The following NAT1 variants were observed in gnomAD, a reference collection of about 807,000 sequenced individuals.
NAT1 encodes the protein N-acetyltransferase 1.
For synonymous variants in NAT1, 144 were observed against 122.6 expected (o/e 1.17, Z -1.16); for missense variants, 400 against 339.2 (o/e 1.18, Z -1.41).
At chr8:18,216,898 T>G in intron 1 of NAT1, 1 of 1,550,674 alleles carries the variant, frequency 6.4e-7, no homozygotes, top group South Asian at 1.2e-5. Context: ...AGGGCCATGC[T>G]GTTATTACTC....
At chr8:18,186,216 C>T (rs1278027581) in intron 2 of NAT1, among the ~76,000 whole-genome samples, 2 of 151,968 alleles carry the variant, frequency 1.3e-5, no homozygotes, top group Admixed American at 1.3e-4. Context: ...TTGAAATTTC[C>T]CATTATGATT....
At chr8:18,200,111 G>C (rs73571961) in intron 2 of NAT1, among the ~76,000 whole-genome samples, 1,644 of 152,302 alleles carry the variant, frequency 0.011, 34 homozygotes, top group African/African-American at 0.037. Flanking sequence ...AGTTAGTTCA[G>C]TCACTGTAGA....
upstream of NAT1, among the ~76,000 whole-genome samples, chr8:18,205,605 C>T (rs1803679998): frequency 6.6e-6 from 1 of 152,138 alleles, no homozygotes; most frequent in African/African-American, 2.4e-5. Context: ...AGTGGCAGGG[C>T]ACGGTGCACA....
chr8:18,198,977 A>G (rs572353020), intron 2 of NAT1, among the ~76,000 whole-genome samples: 19 of 152,234 alleles, frequency 1.2e-4, no homozygotes, highest in Non-Finnish European at 2.2e-4. Context: ...TTTTTTGGAA[A>G]AAAAAGGGCC....
At chr8:18,171,468 C>T (rs1189175165) in intron 2 of NAT1, among the ~76,000 whole-genome samples, 6 of 152,096 alleles carry the variant, frequency 3.9e-5, no homozygotes, top group Non-Finnish European at 7.4e-5. Flanking sequence ...GCAGTTTGAC[C>T]GAATTAACCC....
chr8:18,192,715 T>A (rs1485893620), intron 2 of NAT1, among the ~76,000 whole-genome samples: 1 of 151,984 alleles, frequency 6.6e-6, no homozygotes, highest in South Asian at 2.1e-4. Context: ...TTGGAAATCA[T>A]CATTCTCAGT....
chr8:18,182,024 C>T (rs541612248), intron 2 of NAT1, among the ~76,000 whole-genome samples: 1 of 152,258 alleles, frequency 6.6e-6, no homozygotes, highest in East Asian at 1.9e-4. Context: ...ATTCCCTTCC[C>T]CAAGCAGGAA....
chr8:18,189,989 C>T (rs573863259), intron 2 of NAT1, among the ~76,000 whole-genome samples: 1 of 152,094 alleles, frequency 6.6e-6, no homozygotes, highest in Non-Finnish European at 1.5e-5. Context: ...CGGTTTTCAC[C>T]ATGTTCGCCA....
chr8:18,198,173 A>T (rs1803312328), intron 2 of NAT1, among the ~76,000 whole-genome samples: 1 of 152,182 alleles, frequency 6.6e-6, no homozygotes, highest in Non-Finnish European at 1.5e-5. Context: ...GGCAAAAAAA[A>T]ATCTGCTTTT....
chr8:18,221,141 G>A (rs965000183), intron 2 of NAT1, among the ~76,000 whole-genome samples: 9 of 152,154 alleles, frequency 5.9e-5, no homozygotes, highest in African/African-American at 2.2e-4. Context: ...TCTTACTCAT[G>A]TGCTCCAATT....
At chr8:18,187,727 C>G (rs9969561) in intron 2 of NAT1, among the ~76,000 whole-genome samples, 58,060 of 151,460 alleles carry the variant, frequency 0.38, 14,739 homozygotes, top group African/African-American at 0.73. Context: ...GAGAAAAAAA[C>G]GGGATAAGGA....
At chr8:18,216,953 C>G (rs777973183) in intron 1 of NAT1, 8 of 1,551,060 alleles carry the variant, frequency 5.2e-6, no homozygotes, top group African/African-American at 1.4e-5. Flanking sequence ...CAGCTGTTGG[C>G]TATAATAGCC....
At chr8:18,216,245 G>A (rs573265573) in intron 1 of NAT1, among the ~76,000 whole-genome samples, 16 of 152,214 alleles carry the variant, frequency 1.1e-4, no homozygotes, top group African/African-American at 1.9e-4. Context: ...ATTGCCAAAC[G>A]TTTTGGTTTT....
At chr8:18,211,424 A>G (rs1804091203) in intron 1 of NAT1, 1 of 152,264 alleles carries the variant, frequency 6.6e-6, no homozygotes, top group South Asian at 2.1e-4. Flanking sequence ...TGCTTGAAAC[A>G]CAAAACAGGT....
intron 2 of NAT1, among the ~76,000 whole-genome samples, chr8:18,179,359 T>C (rs1296499573): frequency 6.6e-6 from 1 of 152,120 alleles, no homozygotes; most frequent in African/African-American, 2.4e-5. Flanking sequence ...AGGGAATTGG[T>C]CTAAGGTAGA....
intron 2 of NAT1, among the ~76,000 whole-genome samples, chr8:18,219,811 T>C (rs28359529): frequency 0.018 from 2,761 of 152,242 alleles, 49 homozygotes; most frequent in Middle Eastern, 0.085. Flanking sequence ...TTCTTTCAAA[T>C]GGACTTGCAG....
chr8:18,198,357 G>T (rs1387799531), intron 2 of NAT1, among the ~76,000 whole-genome samples: 1 of 152,164 alleles, frequency 6.6e-6, no homozygotes, highest in Admixed American at 6.5e-5. Context: ...AAGTCACTGA[G>T]TTATGAATGG....
At chr8:18,186,165 T>C (rs1589062661) in intron 2 of NAT1, among the ~76,000 whole-genome samples, 5 of 152,296 alleles carry the variant, frequency 3.3e-5, no homozygotes, top group Admixed American at 2.6e-4. Flanking sequence ...TTCATACTGA[T>C]TTTTTGTGCT....
chr8:18,185,283 G>A (rs1179859508), intron 2 of NAT1, among the ~76,000 whole-genome samples: 1 of 152,104 alleles, frequency 6.6e-6, no homozygotes, highest in African/African-American at 2.4e-5. Flanking sequence ...TAGGCCGGAT[G>A]TTCTGTTTGT....
Sources: allele counts gnomAD v4.1 joint callset (sites outside exome capture counted in the v4.1 genomes callset), GRCh38; gene constraint gnomAD v4.1.1; transcripts MANE v1.5; gene names NCBI Gene and HGNC (gene_info 2026-07-23, HGNC 2026-07-21).